ZC3HAV1: variants seen among roughly 807,000 people sequenced by gnomAD.
The protein encoded by ZC3HAV1 is zinc finger CCCH-type containing, antiviral 1, also known as zinc finger CCCH-type antiviral protein 1.
Under a neutral mutation model 86.6 loss-of-function variants are expected in ZC3HAV1, and 41 were observed. The observed-to-expected ratio is 0.47, with a 90% CI of 0.37 to 0.61. The LOEUF (loss-of-function observed/expected upper bound fraction) is 0.61. Ranked by LOEUF, ZC3HAV1 falls within the 20% of genes least tolerant of loss-of-function variation. The probability of loss-of-function intolerance (pLI) is 0.00; values close to 1 mark genes in which losing one functional copy is unlikely to be tolerated. For synonymous variants in ZC3HAV1, 421 were observed against 432.1 expected, an observed-to-expected ratio of 0.97 and a Z score of 0.32; for missense variants, 964 against 1,141.1, an observed-to-expected ratio of 0.84 and a Z score of 2.24.
At chr7:139,097,424 A>ATT (rs1278585081) in intron 1 of ZC3HAV1, among the ~76,000 whole-genome samples, 47 of 81,180 alleles carry the variant, frequency 5.8e-4, no homozygotes, top group African/African-American at 3.1e-3. Flanking sequence ...ATATATATAT[A>ATT]TATATTTTTT....
At chr7:139,071,570 C>T (rs996596773) in intron 7 of ZC3HAV1, among the ~76,000 whole-genome samples, 1 of 152,170 alleles carries the variant, frequency 6.6e-6, no homozygotes, top group Non-Finnish European at 1.5e-5. Flanking sequence ...TTTCCACAGG[C>T]GCCTGACAGA....
At chr7:139,089,792 T>C (rs377446972) in intron 1 of ZC3HAV1, 33 bp from the exon 2 acceptor site, 2 of 1,579,914 alleles carry the variant, frequency 1.3e-6, no homozygotes, top group African/African-American at 1.4e-5. Context: ...TCAGTATTTC[T>C]ACTACACAGA....
chr7:139,107,666 G>C (rs781127037), intron 1 of ZC3HAV1, among the ~76,000 whole-genome samples: 27 of 152,178 alleles, frequency 1.8e-4, no homozygotes, highest in African/African-American at 2.7e-4. Context: ...GGCCGGGTGC[G>C]ATGGTGCATG....
At chr7:139,099,276 C>CT (rs1817687055) in intron 1 of ZC3HAV1, among the ~76,000 whole-genome samples, 1 of 152,196 alleles carries the variant, frequency 6.6e-6, no homozygotes, top group Admixed American at 6.5e-5. Context: ...CAGCATGTCT[C>CT]TAAGGCCACC....
At chr7:139,059,007 T>C (rs1456185798) in intron 9 of ZC3HAV1, among the ~76,000 whole-genome samples, 4 of 137,856 alleles carry the variant, frequency 2.9e-5, no homozygotes, top group Non-Finnish European at 6.2e-5. Context: ...TACCGGAACT[T>C]TAAAAAAAAA....
intron 3 of ZC3HAV1, among the ~76,000 whole-genome samples, chr7:139,082,367 G>A (rs73170908): frequency 7.2e-5 from 11 of 151,980 alleles, no homozygotes; most frequent in Non-Finnish European, 1.5e-4. Flanking sequence ...TAGAGGATGT[G>A]AGAAATTTGA....
At chr7:139,100,985 GGC>G (rs1817741012) in intron 1 of ZC3HAV1, among the ~76,000 whole-genome samples, 1 of 152,204 alleles carries the variant, frequency 6.6e-6, no homozygotes, top group African/African-American at 2.4e-5. Flanking sequence ...TGCGATTGCA[GGC>G]GCGTGCCGCC....
chr7:139,052,904 A>G (rs1816176559), intron 12 of ZC3HAV1, among the ~76,000 whole-genome samples: 2 of 149,952 alleles, frequency 1.3e-5, no homozygotes, highest in Admixed American at 1.3e-4. Context: ...CTGGGTGACA[A>G]AGTGAGACCC....
rs755189574 is a variant in ZC3HAV1, at chr7:139,064,952, A to C, written c.1920T>G (p.Ser640=). The stretch of plus-strand genomic sequence containing the variant: ...CTCCCCTCGGACAGGATTGATAGAG[A>C]GACTCCAGGTATGAAGAGTCGACGT... ...NSNVDSSYLE[S]LYQSCPRGVV... is the part of the protein sequence containing the mutation. Residue 640 remains serine (S), a synonymous_variant, in exon 8 of 13, where the codon TCT becomes TCG. Transcript: ENST00000242351. 3.1e-6 allele frequency: 5 copies of C among 1,614,208 alleles called. No homozygotes were observed. Among genetic ancestry groups the C allele is most frequent in the Non-Finnish European group, 4.2e-6 (5 of 1,180,046 alleles).
At chr7:139,060,804 C>T (rs1014787628) in intron 9 of ZC3HAV1, 23 of 1,406,692 alleles carry the variant, frequency 1.6e-5, no homozygotes, top group African/African-American at 4.3e-5. Flanking sequence ...TTAGGAGACT[C>T]GCTCAGACTT....
At chr7:139,105,807 T>C (rs1817917590) in intron 1 of ZC3HAV1, among the ~76,000 whole-genome samples, 1 of 152,106 alleles carries the variant, frequency 6.6e-6, no homozygotes, top group Non-Finnish European at 1.5e-5. Context: ...GTTCTTAAAC[T>C]CACAAGTGGC....
chr7:139,097,718 G>A (rs1006425275), intron 1 of ZC3HAV1, among the ~76,000 whole-genome samples: 2 of 151,618 alleles, frequency 1.3e-5, no homozygotes, highest in African/African-American at 4.9e-5. Flanking sequence ...ACAGGCATAA[G>A]CCACCAAGCC....
chr7:139,072,991 T>G (rs1816824394), intron 7 of ZC3HAV1, among the ~76,000 whole-genome samples: 1 of 152,070 alleles, frequency 6.6e-6, no homozygotes, highest in Non-Finnish European at 1.5e-5. Context: ...TCTCAAGCGG[T>G]TCCTTAAAAA....
intron 2 of ZC3HAV1, among the ~76,000 whole-genome samples, chr7:139,087,075 C>A (rs755252033): frequency 1.3e-5 from 2 of 152,138 alleles, no homozygotes; most frequent in African/African-American, 4.8e-5. Flanking sequence ...ACTGAAGCAG[C>A]GATCAGACAT....
chr7:139,101,503 TG>T (rs1817769197), intron 1 of ZC3HAV1, among the ~76,000 whole-genome samples: 1 of 100,908 alleles, frequency 9.9e-6, no homozygotes, highest in Non-Finnish European at 1.9e-5. Flanking sequence ...CCACCCCGTC[TG>T]GGAGGTGTAC....
chr7:139,067,608 A>G (rs895959225), intron 7 of ZC3HAV1, among the ~76,000 whole-genome samples: 29 of 152,204 alleles, frequency 1.9e-4, no homozygotes, highest in South Asian at 2.1e-4. Context: ...CTTAATGGGT[A>G]CAATGTACAT....
At chr7:139,069,219 T>C (rs769091753) in intron 7 of ZC3HAV1, among the ~76,000 whole-genome samples, 3 of 152,226 alleles carry the variant, frequency 2.0e-5, no homozygotes, top group Non-Finnish European at 4.4e-5. Context: ...ATAGCCATAA[T>C]GTGTCCTAGA....
chr7:139,087,295 G>T (rs1817297223), intron 2 of ZC3HAV1, among the ~76,000 whole-genome samples: 1 of 152,120 alleles, frequency 6.6e-6, no homozygotes, highest in Non-Finnish European at 1.5e-5. Context: ...GACTGGGTTA[G>T]TACCTAGGCC....
intron 1 of ZC3HAV1, among the ~76,000 whole-genome samples, chr7:139,097,428 A>ATTTTTTTTTTTTTTTT (rs11291842): frequency 3.9e-4 from 19 of 48,156 alleles, no homozygotes; most frequent in African/African-American, 1.1e-3. Context: ...ATATATATAT[A>ATTTTTTTTTTTTTTTT]TTTTTTTTTT....
Sources: allele counts gnomAD v4.1 joint callset (sites outside exome capture counted in the v4.1 genomes callset), GRCh38; gene constraint gnomAD v4.1.1; transcripts MANE v1.5; gene names NCBI Gene and HGNC (gene_info 2026-07-23, HGNC 2026-07-21).